The following DGKB variants were observed in gnomAD, a reference collection of about 807,000 sequenced individuals.
The protein encoded by DGKB is diacylglycerol kinase beta.
In DGKB, 67 loss-of-function variants were observed where a neutral mutation model predicts 114.3. The observed-to-expected ratio is 0.59, with a 90% CI of 0.48 to 0.72. The LOEUF is 0.72. Ranked by LOEUF, DGKB falls within the 30% of genes least tolerant of loss-of-function variation. The pLI is 0.00. For missense variants in DGKB, 907 were observed against 975.2 expected (o/e 0.93, Z 0.93); for synonymous variants, 398 against 323.1 (o/e 1.23, Z -2.49).
chr7:14,218,108 G>A (rs142919467), intron 23 of DGKB, among the ~76,000 whole-genome samples: 10 of 152,104 alleles, frequency 6.6e-5, no homozygotes, highest in East Asian at 1.9e-4. Flanking sequence ...ATGAAACTTC[G>A]TGTTCATAAC....
chr7:14,384,447 T>C (rs1352516612), intron 21 of DGKB, among the ~76,000 whole-genome samples: 1 of 152,292 alleles, frequency 6.6e-6, no homozygotes, highest in South Asian at 2.1e-4. Flanking sequence ...GTAATTGTAT[T>C]AGATACCCCC....
intron 21 of DGKB, among the ~76,000 whole-genome samples, chr7:14,363,510 C>T (rs1048790781): frequency 5.3e-5 from 8 of 151,956 alleles, no homozygotes; most frequent in African/African-American, 9.7e-5. Context: ...AAGTCCCTGT[C>T]GGAGAAAGCA....
intron 19 of DGKB, among the ~76,000 whole-genome samples, chr7:14,574,666 T>C (rs750689550): frequency 2.0e-5 from 3 of 152,176 alleles, no homozygotes; most frequent in Non-Finnish European, 4.4e-5. Flanking sequence ...TTTATACCAA[T>C]AGATTCAAAA....
chr7:14,640,184 T>C (rs1811482806), intron 13 of DGKB, among the ~76,000 whole-genome samples: 1 of 152,212 alleles, frequency 6.6e-6, no homozygotes, highest in South Asian at 2.1e-4. Context: ...TGCTGGATTA[T>C]ACCTTGTCTG....
chr7:14,910,381 A>G (rs1776303497), intron 1 of DGKB, among the ~76,000 whole-genome samples: 1 of 152,108 alleles, frequency 6.6e-6, no homozygotes, highest in African/African-American at 2.4e-5. Context: ...CACACCTATG[A>G]TAAGTAATTT....
chr7:14,819,834 A>G (rs970581921), intron 2 of DGKB, among the ~76,000 whole-genome samples: 1 of 152,164 alleles, frequency 6.6e-6, no homozygotes, highest in African/African-American at 2.4e-5. Flanking sequence ...TGAAGTAAAC[A>G]CACTAGGTAA....
chr7:14,915,447 A>C (rs577161720), intron 1 of DGKB, among the ~76,000 whole-genome samples: 45 of 152,324 alleles, frequency 3.0e-4, no homozygotes, highest in African/African-American at 1.1e-3. Context: ...TTCCAAAATT[A>C]ATGGCAGACG....
chr7:14,825,016 G>GTGTGTGTATATA (rs1480765381), intron 2 of DGKB, among the ~76,000 whole-genome samples: 1 of 92,382 alleles, frequency 1.1e-5, no homozygotes, highest in African/African-American at 3.4e-5. Flanking sequence ...GTATGTGTAT[G>GTGTGTGTATATA]TATATATATA....
intron 13 of DGKB, among the ~76,000 whole-genome samples, chr7:14,664,343 G>A (rs1303616042): frequency 6.6e-6 from 1 of 151,890 alleles, no homozygotes; most frequent in Non-Finnish European, 1.5e-5. Flanking sequence ...TCACATTGCA[G>A]TCTCCTAGTG....
intron 20 of DGKB, among the ~76,000 whole-genome samples, chr7:14,481,277 GC>G (rs971373644): frequency 1.2e-4 from 18 of 151,538 alleles, no homozygotes; most frequent in Non-Finnish European, 1.0e-4. Context: ...AAGTAAAATT[GC>G]CCTAAATCTC....
At chr7:14,904,980 T>C (rs943872274), upstream of DGKB, among the ~76,000 whole-genome samples, 10 of 152,164 alleles carry the variant, frequency 6.6e-5, no homozygotes, top group Admixed American at 6.5e-5. Flanking sequence ...TTACTATAAC[T>C]AGCAGGATCT....
chr7:14,350,038 A>G (rs796539734), intron 21 of DGKB, among the ~76,000 whole-genome samples: 13 of 152,246 alleles, frequency 8.5e-5, no homozygotes, highest in African/African-American at 3.1e-4. Flanking sequence ...AGTAAACCCT[A>G]TGCCAATGAA....
intron 1 of DGKB, among the ~76,000 whole-genome samples, chr7:14,908,574 T>C (rs1783828672): frequency 6.6e-6 from 1 of 152,328 alleles, no homozygotes; most frequent in East Asian, 1.9e-4. Context: ...GTTTATATTG[T>C]TTACAATTTA....
intron 20 of DGKB, among the ~76,000 whole-genome samples, chr7:14,501,709 T>A (rs1361277707): frequency 2.0e-5 from 3 of 151,982 alleles, no homozygotes; most frequent in Non-Finnish European, 2.9e-5. Flanking sequence ...TTGTGTTTCC[T>A]TACTTTTCGA....
At chr7:14,739,374 A>G (rs1440440586) in intron 4 of DGKB, among the ~76,000 whole-genome samples, 1 of 152,160 alleles carries the variant, frequency 6.6e-6, no homozygotes, top group East Asian at 1.9e-4. Flanking sequence ...AATGGGGTGG[A>G]GCTACCAGAA....
At chr7:14,708,694 G>C (rs1826756929) in intron 6 of DGKB, among the ~76,000 whole-genome samples, 2 of 151,670 alleles carry the variant, frequency 1.3e-5, no homozygotes, top group South Asian at 4.2e-4. Context: ...TGACAAACCT[G>C]AGAAAAACAA....
chr7:14,573,768 T>A (rs1339243549), intron 20 of DGKB, among the ~76,000 whole-genome samples: 1 of 132,192 alleles, frequency 7.6e-6, no homozygotes, highest in East Asian at 2.1e-4. Flanking sequence ...AGTAGCAGGA[T>A]TTTTTGTAGA....
intron 23 of DGKB, among the ~76,000 whole-genome samples, chr7:14,297,260 A>C (rs186024359): frequency 6.6e-6 from 1 of 152,136 alleles, no homozygotes. Context: ...AAAAAGGAAA[A>C]TTTCAGGCCA....
At chr7:14,178,423 A>C (rs189777191) in intron 23 of DGKB, among the ~76,000 whole-genome samples, 1 of 151,554 alleles carries the variant, frequency 6.6e-6, no homozygotes. Context: ...AAAAAAAAAA[A>C]AAAAACCCAG....
Sources: gnomAD v4.1 joint callset for allele counts (sites outside exome capture counted in the v4.1 genomes callset) on GRCh38, gnomAD v4.1.1 for gene constraint, MANE v1.5 for transcripts, NCBI Gene and HGNC (gene_info 2026-07-23, HGNC 2026-07-21) for gene names.